The following DST variants were observed in gnomAD, a reference collection of about 807,000 sequenced individuals.
DST encodes the protein bullous pemphigoid antigen.
A neutral mutation model predicts 875.2 loss-of-function variants in DST; 253 were observed. The observed-to-expected ratio is 0.29, with a 90% CI of 0.26 to 0.32. The LOEUF (loss-of-function observed/expected upper bound fraction) is 0.32. Among genes scored for constraint, DST ranks in the 10% least tolerant of loss-of-function variants. The probability of loss-of-function intolerance (pLI) is 1.00; values close to 1 mark genes in which losing one functional copy is unlikely to be tolerated. For missense variants in DST, 8,287 were observed against 9,111.6 expected (o/e 0.91, Z 3.68); for synonymous variants, 3,124 against 3,197.1 (o/e 0.98, Z 0.77).
Position 56,552,894 on chromosome 6 carries a change from C to T in DST, c.15898G>A (p.Asp5300Asn), listed in dbSNP as rs200661658. 2.3e-5 allele frequency: 37 copies of T among 1,614,028 alleles called. No homozygotes were observed. The Middle Eastern group carries it at 9.9e-4, about 43-fold the overall frequency. Residue 5300 changes from aspartate (D) to asparagine (N), a missense_variant, in exon 61 of 104, where the codon GAT becomes AAT. This residue lies in a region of DST where 1,513 missense variants were observed against 1,677.8 expected (regional missense o/e 0.90). Transcript: ENST00000680361. ...CTGTAAGCCTGGGATCCCAGCGAAT[C>T]ATGGATATCTAGCTGCTCCTTTGCA... Reference protein sequence around the residue: ...QCAKEQLDIHDSLGSQAYSNK... With the variant: ...QCAKEQLDIHNSLGSQAYSNK...
chr6:56,591,849 G>A (rs1204314722), intron 49 of DST, among the ~76,000 whole-genome samples: 1 of 151,922 alleles, frequency 6.6e-6, no homozygotes, highest in Non-Finnish European at 1.5e-5. Context: ...CCAGCTGGTG[G>A]CGGGCGCCTG....
chr6:56,730,833 T>C (rs1373146526), intron 5 of DST, among the ~76,000 whole-genome samples: 1 of 152,160 alleles, frequency 6.6e-6, no homozygotes, highest in Non-Finnish European at 1.5e-5. Context: ...ACATTCTTAA[T>C]AGAACAATCA....
In DST at chr6:56,569,977, T is replaced by G. The variant is rs373853272; in HGVS notation, c.13757A>C (p.Asp4586Ala). The G allele has an allele frequency of 8.1e-6, 13 of 1,602,936 alleles. No individual in the cohort carries two copies. The African/African-American group carries it at 1.6e-4, about 20-fold the overall frequency. The part of the protein sequence containing the change: ...EAVTSCQEQL[D>A]AFQVLVKSLK... ...TGATTTAACAAGAACTTGGAAAGCA[T>G]CCAACTGTTCTTGACAAGAAGTTAC... Residue 4586 changes from aspartate (D) to alanine (A), a missense_variant, in exon 54 of 104, where the codon GAT (aspartate) becomes GCT (alanine). Coordinates refer to ENST00000680361, the MANE Select transcript of DST (RefSeq NM_001374736.1).
At chr6:56,480,421 C>A (rs1433685842) in intron 90 of DST, among the ~76,000 whole-genome samples, 1 of 152,186 alleles carries the variant, frequency 6.6e-6, no homozygotes, top group African/African-American at 2.4e-5. Context: ...GTGGACTGGA[C>A]TGTCAACATT....
At chr6:56,671,974 G>A (rs1320275292) in intron 9 of DST, among the ~76,000 whole-genome samples, 1 of 152,162 alleles carries the variant, frequency 6.6e-6, no homozygotes, top group Non-Finnish European at 1.5e-5. Context: ...AGCAGATAAC[G>A]TTTAGGACCC....
chr6:56,557,748 C>T (rs557566077), intron 58 of DST, among the ~76,000 whole-genome samples: 23 of 152,190 alleles, frequency 1.5e-4, no homozygotes, highest in Admixed American at 1.4e-3. Context: ...TAGAAGATAT[C>T]GTAGAATATC....
chr6:56,765,462 G>C (rs545624362), intron 4 of DST, among the ~76,000 whole-genome samples: 2 of 152,298 alleles, frequency 1.3e-5, no homozygotes, highest in Admixed American at 6.5e-5. Context: ...TGAAGAGAAT[G>C]AATTCCAATC....
intron 69 of DST, among the ~76,000 whole-genome samples, chr6:56,519,037 T>C (rs1287813642): frequency 1.3e-5 from 2 of 152,108 alleles, no homozygotes; most frequent in Non-Finnish European, 2.9e-5. Context: ...ATATAAAACA[T>C]ACATAAGAAG....
intron 61 of DST, among the ~76,000 whole-genome samples, chr6:56,545,127 C>T (rs2097201593): frequency 1.3e-5 from 2 of 151,978 alleles, no homozygotes; most frequent in South Asian, 2.1e-4. Flanking sequence ...ATCCTCCTGT[C>T]TCAGCCTCCC....
chr6:56,740,481 G>A (rs2099542974), intron 4 of DST, among the ~76,000 whole-genome samples: 1 of 152,226 alleles, frequency 6.6e-6, no homozygotes, highest in Non-Finnish European at 1.5e-5. Context: ...AGGACAGGAA[G>A]TAGGGTAGCA....
intron 17 of DST, among the ~76,000 whole-genome samples, chr6:56,640,966 T>C (rs972389885): frequency 6.6e-6 from 1 of 152,228 alleles, no homozygotes; most frequent in Non-Finnish European, 1.5e-5. Context: ...ATAACTATGA[T>C]TTATAATGAA....
At chr6:56,698,096 C>A (rs535070378) in intron 9 of DST, among the ~76,000 whole-genome samples, 1 of 152,188 alleles carries the variant, frequency 6.6e-6, no homozygotes, top group East Asian at 1.9e-4. Flanking sequence ...GTATTAGCTG[C>A]CCTGTAGTCT....
chr6:56,736,501 GCCTCCAGGGCTACCT>G (rs1476243872), intron 4 of DST, among the ~76,000 whole-genome samples: 2 of 151,864 alleles, frequency 1.3e-5, no homozygotes, highest in African/African-American at 4.8e-5. Flanking sequence ...TCTCCTTTCT[GCCTCCAGGGCTACCT>G]CTTTCTCCTT....
intron 4 of DST, among the ~76,000 whole-genome samples, chr6:56,753,302 A>G (rs2099593333): frequency 6.6e-6 from 1 of 152,222 alleles, no homozygotes; most frequent in Non-Finnish European, 1.5e-5. Context: ...GGAAGGCAAC[A>G]GAAAACAGTG....
chr6:56,894,330 A>G (rs1437811273), intron 3 of DST, among the ~76,000 whole-genome samples: 1 of 96,934 alleles, frequency 1.0e-5, no homozygotes, highest in East Asian at 2.9e-4. Flanking sequence ...CACCTCCTGG[A>G]TAGGGCGGCT....
chr6:56,848,803 G>A (rs1763383100), intron 4 of DST, among the ~76,000 whole-genome samples: 1 of 152,146 alleles, frequency 6.6e-6, no homozygotes, highest in African/African-American at 2.4e-5. Context: ...GGGAGGCTGA[G>A]GTGGGTGGAT....
intron 3 of DST, among the ~76,000 whole-genome samples, chr6:56,853,922 C>A (rs943538164): frequency 1.3e-5 from 2 of 151,700 alleles, no homozygotes; most frequent in African/African-American, 4.8e-5. Flanking sequence ...ATGGACCCCA[C>A]ACACACACAC....
intron 80 of DST, among the ~76,000 whole-genome samples, 173 bp downstream of exon 80, chr6:56,500,907 A>G (rs1226139549): frequency 6.6e-6 from 1 of 152,180 alleles, no homozygotes; most frequent in Admixed American, 6.5e-5. Context: ...TTTTAAGAAA[A>G]ACATTTTGAC....
At chr6:56,601,951 T>C in intron 43 of DST, 1 of 443,820 alleles carries the variant, frequency 2.3e-6, no homozygotes, top group South Asian at 1.9e-5. Context: ...AAAATATAAC[T>C]CTGACAAAAG....
Sources: gnomAD v4.1 joint callset for allele counts (sites outside exome capture counted in the v4.1 genomes callset) on GRCh38, gnomAD v4.1.1 for gene constraint, gnomAD v4.1.1 regional missense constraint, MANE v1.5 for transcripts, NCBI Gene and HGNC (gene_info 2026-07-23, HGNC 2026-07-21) for gene names.